The following GALNTL6 variants were observed in gnomAD, a reference collection of about 807,000 sequenced individuals.
GALNTL6 encodes the protein polypeptide N-acetylgalactosaminyltransferase like 6.
A neutral mutation model predicts 73.7 loss-of-function variants in GALNTL6; 46 were observed. That is an observed-to-expected ratio of 0.62 (90% CI 0.49 to 0.80). GALNTL6 has a LOEUF of 0.80. Ranked by LOEUF, GALNTL6 falls within the 30% of genes least tolerant of loss-of-function variation. The probability of loss-of-function intolerance (pLI) is 0.00; values close to 1 mark genes in which losing one functional copy is unlikely to be tolerated. For missense variants in GALNTL6, 604 were observed against 755.0 expected, an observed-to-expected ratio of 0.80 and a Z score of 2.34; for synonymous variants, 259 against 263.7, an observed-to-expected ratio of 0.98 and a Z score of 0.17.
intron 5 of GALNTL6, among the ~76,000 whole-genome samples, chr4:172,473,932 T>TAA (rs1393598391): frequency 1.3e-5 from 2 of 152,212 alleles, no homozygotes; most frequent in Non-Finnish European, 2.9e-5. Flanking sequence ...TTTTAAAACC[T>TAA]AAAAGCTGGA....
At chr4:172,760,437 A>T (rs945074776) in intron 5 of GALNTL6, among the ~76,000 whole-genome samples, 4 of 152,162 alleles carry the variant, frequency 2.6e-5, no homozygotes, top group African/African-American at 4.8e-5. Flanking sequence ...TGAAATTTTT[A>T]AAAAATAGAC....
chr4:172,264,033 T>A (rs1738347556), intron 3 of GALNTL6, among the ~76,000 whole-genome samples: 1 of 151,188 alleles, frequency 6.6e-6, no homozygotes, highest in Non-Finnish European at 1.5e-5. Flanking sequence ...TATCACTACA[T>A]TTTTTATGTT....
chr4:171,911,478 A>G (rs28396721), intron 2 of GALNTL6, among the ~76,000 whole-genome samples: 37,085 of 152,138 alleles, frequency 0.24, 4,735 homozygotes, highest in Middle Eastern at 0.35. Flanking sequence ...TTGGAGTATC[A>G]TGAACTAAGA....
At chr4:171,868,402 C>T (rs1228094475) in intron 2 of GALNTL6, among the ~76,000 whole-genome samples, 2 of 152,100 alleles carry the variant, frequency 1.3e-5, no homozygotes, top group Non-Finnish European at 2.9e-5. Flanking sequence ...TTCTTTCATT[C>T]CAAACTCTTG....
chr4:172,188,842 G>C lies in GALNTL6; in HGVS notation c.139-40814G>C, dbSNP rs148559443. ...CAGAGATCCTCCTGAGGAAATGACA[G>C]AAAGCAACTTTGCTAGAGTGTAGTG... On this transcript the variant is annotated intron_variant, in intron 2 of 12. Transcript: ENST00000506823. 4.6e-3 allele frequency among the ~76,000 whole-genome samples: 701 copies of C among 152,248 alleles called. 2 individuals are homozygous for C. Among genetic ancestry groups the C allele is most frequent in the Non-Finnish European group, 7.0e-3 (474 of 68,016 alleles).
intron 5 of GALNTL6, among the ~76,000 whole-genome samples, chr4:172,765,248 T>C (rs540909723): frequency 1.2e-4 from 19 of 152,326 alleles, no homozygotes; most frequent in African/African-American, 4.6e-4. Context: ...TGCAGTGACA[T>C]AGAAAATTAA....
At position 172,105,733 on chromosome 4, in the gene GALNTL6, AACTC is replaced by A. The variant is rs368154386; in HGVS notation, c.139-123921_139-123918del. Among the ~76,000 whole-genome samples, 41 of 152,278 alleles carry A rather than the reference AACTC, an allele frequency of 2.7e-4. No individual in the cohort carries two copies. In the East Asian group the frequency reaches 7.3e-3, roughly 27 times the overall value. On this transcript the variant is annotated intron_variant, in intron 2 of 12. Coordinates refer to ENST00000506823, the MANE Select transcript of GALNTL6 (RefSeq NM_001034845.3). ...AAAGAACTGTCAACTATATGAGAAA[AACTC>A]ATTCAAAAGCAAACATGAAATAAAG... is the stretch of plus-strand genomic sequence containing the variant.
rs940636652 is a variant in GALNTL6 at position 172,754,415 on chromosome 4, G to C, written c.554-54946G>C. Among the ~76,000 whole-genome samples, 5 of 151,936 alleles carry C rather than the reference G, an allele frequency of 3.3e-5. No homozygotes were observed. The East Asian group carries it at 9.7e-4, about 29-fold the overall frequency. On this transcript the variant is annotated intron_variant, in intron 5 of 12. Coordinates refer to ENST00000506823, the MANE Select transcript of GALNTL6 (RefSeq NM_001034845.3). ...GTGAAACCCCGTCTCTACTAAAAAT[G>C]CAAAAAATTAGCCAGATGTGATGGT...
intron 2 of GALNTL6, among the ~76,000 whole-genome samples, chr4:172,166,109 T>A (rs947775401): frequency 3.3e-5 from 5 of 152,198 alleles, no homozygotes; most frequent in African/African-American, 1.2e-4. Context: ...TAATATGGCT[T>A]GAGCATGAAA....
chr4:172,981,107 C>A (rs952008588), intron 10 of GALNTL6, among the ~76,000 whole-genome samples: 7 of 152,158 alleles, frequency 4.6e-5, no homozygotes, highest in African/African-American at 1.7e-4. Context: ...TGTCAATGGA[C>A]ACTTGGGTTG....
intron 5 of GALNTL6, among the ~76,000 whole-genome samples, chr4:172,555,256 T>C (rs1579184507): frequency 6.6e-6 from 1 of 152,170 alleles, no homozygotes; most frequent in Non-Finnish European, 1.5e-5. Flanking sequence ...TCTAATAGTC[T>C]ACCTGTAGAA....
intron 4 of GALNTL6, among the ~76,000 whole-genome samples, chr4:172,344,604 T>C (rs1398635230): frequency 6.6e-6 from 1 of 152,206 alleles, no homozygotes; most frequent in Non-Finnish European, 1.5e-5. Context: ...TTAACAATAT[T>C]TGAAGTACTT....
chr4:172,828,581 AC>A (rs1344389292), intron 7 of GALNTL6, among the ~76,000 whole-genome samples: 4 of 152,210 alleles, frequency 2.6e-5, no homozygotes, highest in African/African-American at 7.2e-5. Flanking sequence ...AGAGAAAAAA[AC>A]AGAATAAACC....
chr4:172,743,238 G>A (rs1736902040), intron 5 of GALNTL6, among the ~76,000 whole-genome samples: 1 of 152,030 alleles, frequency 6.6e-6, no homozygotes, highest in South Asian at 2.1e-4. Context: ...GAAGACCCAA[G>A]TAAAAGAGTA....
intron 2 of GALNTL6, among the ~76,000 whole-genome samples, chr4:172,206,190 T>C (rs911949570): frequency 3.3e-5 from 5 of 152,200 alleles, no homozygotes; most frequent in Non-Finnish European, 7.4e-5. Context: ...AAGTGCATTC[T>C]AATTCTGCTG....
intron 5 of GALNTL6, among the ~76,000 whole-genome samples, chr4:172,559,249 A>G (rs1281006850): frequency 6.6e-6 from 1 of 151,762 alleles, no homozygotes; most frequent in Admixed American, 6.6e-5. Context: ...TATTTTTAGT[A>G]GAGACGGGGT....
chr4:172,775,860 C>T (rs181147669), intron 5 of GALNTL6, among the ~76,000 whole-genome samples: 6 of 152,238 alleles, frequency 3.9e-5, no homozygotes, highest in Admixed American at 2.0e-4. Flanking sequence ...TGCAGAAGCC[C>T]ATATGGCAAG....
At chr4:172,151,039 C>A (rs1734073929) in intron 2 of GALNTL6, among the ~76,000 whole-genome samples, 1 of 152,002 alleles carries the variant, frequency 6.6e-6, no homozygotes, top group Admixed American at 6.6e-5. Context: ...TGGAAACTAC[C>A]TAAAGAACAC....
At chr4:172,911,153 T>C (rs532726820) in intron 8 of GALNTL6, among the ~76,000 whole-genome samples, 3 of 152,396 alleles carry the variant, frequency 2.0e-5, no homozygotes, top group East Asian at 1.9e-4. Flanking sequence ...GTTTAACTTA[T>C]ACTCCTAAAG....
Sources: gnomAD v4.1 joint callset for allele counts (sites outside exome capture counted in the v4.1 genomes callset) on GRCh38, gnomAD v4.1.1 for gene constraint, MANE v1.5 for transcripts, NCBI Gene and HGNC (gene_info 2026-07-23, HGNC 2026-07-21) for gene names.